Variants in XKR6 observed in about 807,000 individuals in gnomAD.
XKR6 encodes XK-related protein 6.
Under a neutral mutation model 56.7 loss-of-function variants are expected in XKR6, and 22 were observed. The observed-to-expected ratio is 0.39, with a 90% CI of 0.28 to 0.55. The LOEUF (loss-of-function observed/expected upper bound fraction) is 0.55. Among genes scored for constraint, XKR6 ranks in the 20% least tolerant of loss-of-function variants. The pLI, the probability that XKR6 is intolerant of heterozygous loss-of-function variation, is 0.66. For synonymous variants in XKR6, 524 were observed against 387.8 expected (o/e 1.35, Z -4.13); for missense variants, 852 against 889.0 (o/e 0.96, Z 0.53).
intron 1 of XKR6, among the ~76,000 whole-genome samples, chr8:11,021,337 G>A (rs1798744803): frequency 6.6e-6 from 1 of 152,194 alleles, no homozygotes; most frequent in African/African-American, 2.4e-5. Context: ...TACAGCTAAA[G>A]TGATGGACTG....
intron 1 of XKR6, among the ~76,000 whole-genome samples, chr8:10,949,556 T>C (rs1363819880): frequency 6.6e-6 from 1 of 152,252 alleles, no homozygotes; most frequent in Non-Finnish European, 1.5e-5. Flanking sequence ...AGGCCTCCGA[T>C]GTGCCAGGCA....
At chr8:11,052,108 C>T (rs889784202) in intron 1 of XKR6, among the ~76,000 whole-genome samples, 1 of 152,164 alleles carries the variant, frequency 6.6e-6, no homozygotes, top group Non-Finnish European at 1.5e-5. Context: ...CCCCTCACCC[C>T]CTCTGCTCCA....
In XKR6 at chr8:10,959,151, C is replaced by T. The variant is rs56312774; in HGVS notation, c.765-34321G>A. Among the ~76,000 whole-genome samples the T allele has an allele frequency of 2.6e-3, 392 of 152,312 alleles. 1 individual carries two copies. Among genetic ancestry groups the T allele is most frequent in the Non-Finnish European group, 4.6e-3 (313 of 68,032 alleles). ...CTCATGCACAGATAATGACAGTTCA[C>T]GCGGCTTTCACTGAACAACTTCTCC... On this transcript the variant is annotated intron_variant, in intron 1 of 2. Coordinates refer to ENST00000416569, the MANE Select transcript of XKR6 (RefSeq NM_173683.4).
chr8:11,098,254 GCATGCACACACA>G (rs1798338386), intron 1 of XKR6, among the ~76,000 whole-genome samples: 1 of 151,542 alleles, frequency 6.6e-6, no homozygotes, highest in Non-Finnish European at 1.5e-5. Flanking sequence ...ACACACACAC[GCATGCACACACA>G]CATGCACGAC....
At chr8:11,119,332 G>A (rs1013662607) in intron 1 of XKR6, among the ~76,000 whole-genome samples, 6 of 152,156 alleles carry the variant, frequency 3.9e-5, no homozygotes, top group Non-Finnish European at 7.4e-5. Context: ...GGTCCGCTTG[G>A]TGCAGAGTTG....
At chr8:11,137,070 A>C (rs1002666448) in intron 1 of XKR6, 4 of 153,660 alleles carry the variant, frequency 2.6e-5, no homozygotes, top group Non-Finnish European at 5.8e-5. Context: ...ATGTGCGTGA[A>C]ATTTGTAAAT....
At chr8:10,991,239 A>C (rs1349288300) in intron 1 of XKR6, among the ~76,000 whole-genome samples, 2 of 151,912 alleles carry the variant, frequency 1.3e-5, no homozygotes, top group African/African-American at 4.8e-5. Context: ...GCAGTAGGTG[A>C]GAGTAGGGGG....
chr8:10,982,835 G>A (rs534544881), intron 1 of XKR6, among the ~76,000 whole-genome samples: 23 of 152,304 alleles, frequency 1.5e-4, no homozygotes, highest in African/African-American at 4.3e-4. Flanking sequence ...TTCAGAGAGC[G>A]CAGCCCCAGG....
chr8:10,924,915 A>G, intron 1 of XKR6, 85 bp from the exon 2 acceptor site: 1 of 1,414,278 alleles, frequency 7.1e-7, no homozygotes, highest in Non-Finnish European at 9.6e-7. Context: ...TAAAACCAAG[A>G]GACTCAGCAT....
At chr8:10,989,865 C>G (rs1189103808) in intron 1 of XKR6, among the ~76,000 whole-genome samples, 1 of 152,234 alleles carries the variant, frequency 6.6e-6, no homozygotes, top group South Asian at 2.1e-4. Flanking sequence ...TAAAAATGAT[C>G]TAGCCATACT....
intron 1 of XKR6, among the ~76,000 whole-genome samples, chr8:10,926,486 C>T (rs1800889907): frequency 6.6e-6 from 1 of 152,236 alleles, no homozygotes; most frequent in South Asian, 2.1e-4. Flanking sequence ...TGCCTCATTT[C>T]TCTCCAGACC....
At chr8:11,101,754 C>A (rs1024703761) in intron 1 of XKR6, among the ~76,000 whole-genome samples, 2 of 152,154 alleles carry the variant, frequency 1.3e-5, no homozygotes, top group African/African-American at 2.4e-5. Flanking sequence ...TTCTAAGCAC[C>A]CTTGCATTTG....
intron 1 of XKR6, among the ~76,000 whole-genome samples, chr8:11,080,065 G>C (rs1797663715): frequency 6.6e-6 from 1 of 151,772 alleles, no homozygotes; most frequent in African/African-American, 2.4e-5. Flanking sequence ...CTAAACAAGG[G>C]TGCATGCTTG....
intron 1 of XKR6, among the ~76,000 whole-genome samples, chr8:11,153,684 T>C (rs2116984257): frequency 6.6e-6 from 1 of 152,366 alleles, no homozygotes; most frequent in Non-Finnish European, 1.5e-5. Context: ...AGTAATCCTC[T>C]AATTCTTAGG....
chr8:11,060,833 C>G (rs571736242), intron 1 of XKR6, among the ~76,000 whole-genome samples: 1 of 152,234 alleles, frequency 6.6e-6, no homozygotes, highest in Non-Finnish European at 1.5e-5. Context: ...TGAGGAGAGA[C>G]AAAATAATTC....
intron 1 of XKR6, among the ~76,000 whole-genome samples, chr8:11,095,687 C>T (rs994969043): frequency 6.6e-6 from 1 of 152,218 alleles, no homozygotes; most frequent in Non-Finnish European, 1.5e-5. Context: ...ACTTGGCTCT[C>T]CTCCTTTGTA....
At chr8:10,958,539 G>A (rs775107330) in intron 1 of XKR6, among the ~76,000 whole-genome samples, 20 of 152,248 alleles carry the variant, frequency 1.3e-4, no homozygotes, top group African/African-American at 2.4e-4. Flanking sequence ...TTCATCACCC[G>A]AGACATGGCA....
At chr8:11,188,133 T>G (rs1398263693) in intron 1 of XKR6, among the ~76,000 whole-genome samples, 1 of 152,150 alleles carries the variant, frequency 6.6e-6, no homozygotes, top group Non-Finnish European at 1.5e-5. Flanking sequence ...CCATCGCTAA[T>G]TTGAGATAGT....
intron 1 of XKR6, among the ~76,000 whole-genome samples, chr8:10,999,752 A>G (rs1798197136): frequency 6.6e-6 from 1 of 152,246 alleles, no homozygotes; most frequent in African/African-American, 2.4e-5. Flanking sequence ...GAATCAGGAA[A>G]TGAGCCTTAT....
Sources: allele counts gnomAD v4.1 joint callset (sites outside exome capture counted in the v4.1 genomes callset), GRCh38; gene constraint gnomAD v4.1.1; transcripts MANE v1.5; gene names NCBI Gene and HGNC (gene_info 2026-07-23, HGNC 2026-07-21).